Variants in ACADSB observed in about 807,000 individuals in gnomAD.
ACADSB encodes short/branched chain specific acyl-CoA dehydrogenase, mitochondrial.
ACADSB carries 40 observed loss-of-function variants against 54.1 expected under a neutral mutation model. The ratio of observed to expected loss-of-function variants is 0.74; its 90% confidence interval spans 0.57 to 0.96. ACADSB has a LOEUF of 0.96. Ranked by LOEUF, ACADSB falls within the 40% of genes least tolerant of loss-of-function variation. The pLI, the probability that ACADSB is intolerant of heterozygous loss-of-function variation, is 0.00. For synonymous variants in ACADSB, 182 were observed against 182.8 expected (o/e 1.00, Z 0.03); for missense variants, 530 against 510.4 (o/e 1.04, Z -0.37).
chr10:123,015,285 A>C (rs887707353), intron 1 of ACADSB, among the ~76,000 whole-genome samples: 2 of 152,220 alleles, frequency 1.3e-5, no homozygotes, highest in Admixed American at 6.5e-5. Context: ...CCTGGCAACC[A>C]TCAAAGAGTC....
In ACADSB at chr10:123,056,660, T is replaced by C. The variant is rs898341790; in HGVS notation, c.*2895T>C. 1.3e-5 allele frequency: 2 copies of C among 152,184 alleles called. No individual in the cohort carries two copies. The highest frequency in any genetic ancestry group is 4.8e-5 in the African/African-American group (2 of 41,440). The allele number at this position is 152,184 out of a possible 1,614,324, so 9.4% of individuals were successfully genotyped here. On this transcript the variant is annotated 3_prime_UTR_variant, in exon 11 of 11. Coordinates refer to ENST00000358776, the MANE Select transcript of ACADSB (RefSeq NM_001609.4). ...TTTGATATTTTCTGAAAGAGGAACA[T>C]GTGTTAGAGATGAAGAATCTTCCAA... is the stretch of plus-strand genomic sequence containing the variant.
intron 1 of ACADSB, among the ~76,000 whole-genome samples, chr10:123,023,819 TG>T (rs1337875380): frequency 6.6e-6 from 1 of 152,208 alleles, no homozygotes; most frequent in African/African-American, 2.4e-5. Flanking sequence ...CAAACAATAT[TG>T]GGACCAAACA....
rs1436483951 is a variant in ACADSB at position 123,038,696 on chromosome 10, CTAGA to C, written c.303+853_303+856del. ...TTGAAAAATAACCATTGCCACTTAG[CTAGA>C]TAGTTTTATTTATTTCTGTTTTAAA... On this transcript the variant is annotated intron_variant, in intron 3 of 10. Transcript: ENST00000358776. 3.9e-5 allele frequency among the ~76,000 whole-genome samples: 6 copies of C among 152,282 alleles called. No individual in the cohort carries two copies. The South Asian group carries it at 1.2e-3, about 32-fold the overall frequency.
chr10:123,012,858 C>G (rs373059107), intron 1 of ACADSB, among the ~76,000 whole-genome samples: 1 of 152,166 alleles, frequency 6.6e-6, no homozygotes, highest in Non-Finnish European at 1.5e-5. Context: ...ACTGCTGGCT[C>G]GGCAGCCTGA....
At chr10:123,030,767 T>TTACTATC (rs3980945) in intron 1 of ACADSB, among the ~76,000 whole-genome samples, 2 of 151,698 alleles carry the variant, frequency 1.3e-5, no homozygotes, top group African/African-American at 4.8e-5. Context: ...CTCAATTCTT[T>TTACTATC]TGGGTTTCAC....
At chr10:123,009,223 A>T in intron 1 of ACADSB, 152 bp downstream of exon 1, 1 of 891,458 alleles carries the variant, frequency 1.1e-6, no homozygotes, top group South Asian at 1.6e-5. Flanking sequence ...CGGGCAGTCT[A>T]TGACCCCGAC....
chr10:123,011,603 T>G (rs1451131528), intron 1 of ACADSB, among the ~76,000 whole-genome samples: 2 of 151,266 alleles, frequency 1.3e-5, no homozygotes, highest in Non-Finnish European at 2.9e-5. Flanking sequence ...CTCAGTTCAC[T>G]GTAACCTATG....
Position 123,047,183 on chromosome 10 carries a change from C to T in ACADSB, c.901-26C>T, listed in dbSNP as rs759490731. 3.3e-6 allele frequency: 5 copies of T among 1,519,098 alleles called. No homozygotes were observed. In the East Asian group the frequency reaches 9.0e-5, roughly 27 times the overall value. The allele number at this position is 1,519,098 out of a possible 1,614,324, so 94.1% of individuals were successfully genotyped here. On this transcript the variant is annotated intron_variant, in intron 7 of 10. Transcript: ENST00000358776. ...TAAACTTATAACAAAATAAGAAATTCTGATCTTATTTTTTTGTTTTAACAG... is the reference window on the plus strand; with the variant it reads ...TAAACTTATAACAAAATAAGAAATTTTGATCTTATTTTTTTGTTTTAACAG...
rs187831000 is a variant in ACADSB, at chr10:123,036,998, A to G, written c.203-749A>G. On this transcript the variant is annotated intron_variant, in intron 2 of 10. Transcript: ENST00000358776. ...ATCAAAATGATTTATAAATGCATCT[A>G]AGTCTTAAAAACATTAAAAAATGAA... Among the ~76,000 whole-genome samples the G allele has an allele frequency of 2.9e-4, 44 of 152,368 alleles. 1 individual carries two copies. Among genetic ancestry groups the G allele is most frequent in the African/African-American group, 1.1e-3 (44 of 41,584 alleles).
At chr10:123,031,803 T>C (rs961410538) in intron 1 of ACADSB, among the ~76,000 whole-genome samples, 2 of 152,182 alleles carry the variant, frequency 1.3e-5, no homozygotes, top group Non-Finnish European at 2.9e-5. Flanking sequence ...TTAAGTACAA[T>C]TGTCTCTGTT....
At chr10:123,017,207 A>T (rs1364572929) in intron 1 of ACADSB, among the ~76,000 whole-genome samples, 1 of 152,226 alleles carries the variant, frequency 6.6e-6, no homozygotes. Context: ...TTTCTTTGAA[A>T]ATAGAAGTGA....
intron 9 of ACADSB, 24 bp downstream of exon 9, chr10:123,051,210 A>C (rs1850628999): frequency 7.3e-7 from 1 of 1,368,320 alleles, no homozygotes; most frequent in African/African-American, 1.7e-5. Flanking sequence ...AAAAAAAAAA[A>C]AAGGAAAAAG....
In ACADSB at chr10:123,057,991, T is replaced by A. The variant is rs1221238051; in HGVS notation, c.*4226T>A. 6.6e-6 allele frequency: 1 copy of A among 152,260 alleles called. No individual in the cohort carries two copies. Among genetic ancestry groups the A allele is most frequent in the East Asian group, 1.9e-4 (1 of 5,204 alleles). The allele number at this position is 152,260 out of a possible 1,614,324, so 9.4% of individuals were successfully genotyped here. ...GTAAAGAATGAACATTTCAGAAGTG[T>A]TAGGATTAGTCAGTGTCATCGCTTA... On this transcript the variant is annotated 3_prime_UTR_variant, in exon 11 of 11. Coordinates refer to ENST00000358776, the MANE Select transcript of ACADSB (RefSeq NM_001609.4).
intron 1 of ACADSB, among the ~76,000 whole-genome samples, chr10:123,025,921 C>T (rs1850244444): frequency 6.6e-6 from 1 of 151,898 alleles, no homozygotes; most frequent in Admixed American, 6.6e-5. Context: ...ATTAGCCAGG[C>T]GTGGTGGTGT....
At chr10:123,020,714 C>T (rs991170678) in intron 1 of ACADSB, among the ~76,000 whole-genome samples, 5 of 152,246 alleles carry the variant, frequency 3.3e-5, no homozygotes, top group African/African-American at 1.2e-4. Context: ...GATCCATTTG[C>T]TCATCTCCCT....
intron 1 of ACADSB, among the ~76,000 whole-genome samples, chr10:123,031,261 C>T (rs1164597043): frequency 1.3e-5 from 2 of 152,222 alleles, no homozygotes; most frequent in African/African-American, 2.4e-5. Context: ...ATTTTACCCA[C>T]ATCCAAGTTC....
intron 7 of ACADSB, 110 bp downstream of exon 7, chr10:123,044,595 G>A (rs148828465): frequency 3.9e-5 from 33 of 846,236 alleles, no homozygotes; most frequent in East Asian, 2.9e-4. Flanking sequence ...AGATGGCACC[G>A]TTCCCTTACA....
At chr10:123,012,717 C>A (rs560087637) in intron 1 of ACADSB, among the ~76,000 whole-genome samples, 6 of 152,214 alleles carry the variant, frequency 3.9e-5, no homozygotes, top group African/African-American at 1.4e-4. Flanking sequence ...AGTGAAGCTG[C>A]AGACCTTCGC....
chr10:123,042,154 C>T (rs192422223), intron 5 of ACADSB, among the ~76,000 whole-genome samples: 239 of 152,030 alleles, frequency 1.6e-3, no homozygotes, highest in Non-Finnish European at 2.4e-3. Flanking sequence ...TTTGTAGAGA[C>T]AGAGTTTCGC....
Sources: gnomAD v4.1 joint callset for allele counts (sites outside exome capture counted in the v4.1 genomes callset) on GRCh38, gnomAD v4.1.1 for gene constraint, MANE v1.5 for transcripts, NCBI Gene and HGNC (gene_info 2026-07-23, HGNC 2026-07-21) for gene names.